POLR3E: variants seen among roughly 807,000 people sequenced by gnomAD.
POLR3E encodes the protein DNA-directed RNA polymerase III subunit RPC5.
Under a neutral mutation model 96.6 loss-of-function variants are expected in POLR3E, and 41 were observed. The observed-to-expected ratio is 0.42, with a 90% CI of 0.33 to 0.55. The LOEUF is 0.55. POLR3E is among the 20% of genes least tolerant of loss of function. POLR3E has a pLI of 0.06. For synonymous variants in POLR3E, 396 were observed against 383.6 expected, an observed-to-expected ratio of 1.03 and a Z score of -0.38; for missense variants, 849 against 952.1, an observed-to-expected ratio of 0.89 and a Z score of 1.43.
At chr16:22,303,613 G>C (rs936878599) in intron 2 of POLR3E, among the ~76,000 whole-genome samples, 1 of 147,090 alleles carries the variant, frequency 6.8e-6, no homozygotes, top group African/African-American at 2.7e-5. Flanking sequence ...GAGTCTCCGG[G>C]TACAGGCAGT....
chr16:22,325,588 ACT>A (rs934572057), intron 17 of POLR3E, among the ~76,000 whole-genome samples, 171 bp from the exon 18 acceptor site: 1 of 151,766 alleles, frequency 6.6e-6, no homozygotes, highest in Non-Finnish European at 1.5e-5. Flanking sequence ...TCCCCGCATG[ACT>A]CTCGGCACGC....
intron 13 of POLR3E, among the ~76,000 whole-genome samples, chr16:22,319,339 G>T (rs1250792946): frequency 6.6e-6 from 1 of 151,932 alleles, no homozygotes; most frequent in South Asian, 2.1e-4. Context: ...AGTGCTTTGG[G>T]TTTAAATCTA....
Position 22,325,826 on chromosome 16 carries a change from C to A in POLR3E, c.1414C>A (p.His472Asn). The change falls in exon 18 of 21, where the codon CAC becomes AAC. Residue 472 changes from histidine to asparagine, a missense_variant. His to Asn is a moderately conservative substitution (Grantham distance 68, BLOSUM62 1). Transcript: ENST00000299853. Reference sequence around the variant, plus strand: ...AGCCAAAACCAAGGCCCAGCAGAACCACGCGTTGCTGGAGCGGGAGCTGCA... The same window carrying A: ...AGCCAAAACCAAGGCCCAGCAGAACAACGCGTTGCTGGAGCGGGAGCTGCA... ...QVAKTKAQQN[H>N]ALLERELQRR... The A allele has an allele frequency of 6.2e-7, 1 of 1,610,696 alleles. No individual in the cohort carries two copies. Among genetic ancestry groups the A allele is most frequent in the Non-Finnish European group, 8.5e-7 (1 of 1,178,712 alleles).
At chr16:22,300,788 T>G (rs1263236729) in intron 1 of POLR3E, among the ~76,000 whole-genome samples, 1 of 152,232 alleles carries the variant, frequency 6.6e-6, no homozygotes, top group Non-Finnish European at 1.5e-5. Context: ...CTCCATGTCT[T>G]CCTCTGCCCG....
rs2048657140 is a variant in POLR3E at position 22,328,428 on chromosome 16, G to T, written c.1867-82G>T. On this transcript the variant is annotated intron_variant, in intron 18 of 20. Transcript: ENST00000299853. ...AACCCATGTTCCTGCATCTGGGCTGGGGCAGACAGGGAGGGATGAGGCAAG... is the reference window on the plus strand; with the variant it reads ...AACCCATGTTCCTGCATCTGGGCTGTGGCAGACAGGGAGGGATGAGGCAAG... The T allele has an allele frequency of 2.6e-6, 3 of 1,154,362 alleles. No individual in the cohort carries two copies. In the South Asian group the frequency reaches 3.7e-5, roughly 14 times the overall value. 71.5% of individuals were successfully genotyped at this position (1,154,362 alleles called of 1,614,324 possible). A position where few individuals can be genotyped will look rare whatever the true frequency, so the allele number is the denominator to read the frequency against.
chr16:22,321,943 C>A (rs562823863), intron 13 of POLR3E, among the ~76,000 whole-genome samples: 4 of 152,220 alleles, frequency 2.6e-5, no homozygotes, highest in Admixed American at 2.0e-4. Context: ...CTAGACTGCT[C>A]GTTCTGTGCC....
intron 12 of POLR3E, among the ~76,000 whole-genome samples, chr16:22,317,669 T>TGTTG (rs59582667): frequency 5.3e-5 from 8 of 151,786 alleles, no homozygotes; most frequent in African/African-American, 1.9e-4. Context: ...GTTGTTGTTT[T>TGTTG]TTTTTTTAAG....
chr16:22,309,121 C>A, intron 5 of POLR3E, 81 bp downstream of exon 5: 3 of 978,034 alleles, frequency 3.1e-6, no homozygotes, highest in Non-Finnish European at 3.1e-6. Flanking sequence ...CATTGACCCC[C>A]TTTGCCCCGT....
chr16:22,300,852 AC>A (rs2048006561), intron 1 of POLR3E, among the ~76,000 whole-genome samples: 1 of 152,206 alleles, frequency 6.6e-6, no homozygotes, highest in African/African-American at 2.4e-5. Context: ...ATTTATTTAG[AC>A]AACAAACATG....
At chr16:22,312,114 G>A (rs1343988583) in intron 6 of POLR3E, among the ~76,000 whole-genome samples, 3 of 152,222 alleles carry the variant, frequency 2.0e-5, no homozygotes, top group African/African-American at 7.2e-5. Context: ...GGAGAGTGGA[G>A]TGGGGACTGC....
chr16:22,332,275 T>A lies in POLR3E; in HGVS notation c.2070+90T>A, dbSNP rs1191636653. 6.5e-6 allele frequency: 8 copies of A among 1,225,768 alleles called. No individual in the cohort carries two copies. In the Admixed American group the frequency reaches 1.4e-4, roughly 21 times the overall value. The allele number at this position is 1,225,768 out of a possible 1,614,324, so 75.9% of individuals were successfully genotyped here. On this transcript the variant is annotated intron_variant, in intron 20 of 20. Coordinates refer to ENST00000299853, the MANE Select transcript of POLR3E (RefSeq NM_018119.4). ...AGGGACTCTAGTGTCTTTGTGTATA[T>A]GAAATCAGGCTTCCTTGGGACCACT...
At chr16:22,331,259 G>A (rs1490230236) in intron 19 of POLR3E, among the ~76,000 whole-genome samples, 8 of 152,070 alleles carry the variant, frequency 5.3e-5, no homozygotes, top group Admixed American at 6.5e-5. Context: ...GATTGCAGGC[G>A]TGAGCCTCTG....
chr16:22,303,413 C>T (rs1192098726), intron 2 of POLR3E, among the ~76,000 whole-genome samples: 11 of 152,268 alleles, frequency 7.2e-5, no homozygotes, highest in Middle Eastern at 6.8e-3. Flanking sequence ...AGGTACCCGG[C>T]GACTATTTGG....
At chr16:22,298,229 C>G (rs568540783) in intron 1 of POLR3E, among the ~76,000 whole-genome samples, 1 of 152,348 alleles carries the variant, frequency 6.6e-6, no homozygotes, top group South Asian at 2.1e-4. Context: ...TCTTAGCGAT[C>G]TCCACAGTTT....
At chr16:22,305,418 C>T (rs1236436171) in intron 3 of POLR3E, 2 of 695,658 alleles carry the variant, frequency 2.9e-6, no homozygotes, top group South Asian at 1.5e-5. Flanking sequence ...CAGAAGTGTG[C>T]AGCAGTTAAA....
chr16:22,300,361 A>G (rs1439783452), intron 1 of POLR3E, among the ~76,000 whole-genome samples: 1 of 152,152 alleles, frequency 6.6e-6, no homozygotes, highest in East Asian at 1.9e-4. Context: ...GGCCTGGAGG[A>G]TGAAGGGAGG....
At chr16:22,305,884 A>C (rs1266104494) in intron 3 of POLR3E, among the ~76,000 whole-genome samples, 2 of 152,138 alleles carry the variant, frequency 1.3e-5, no homozygotes, top group Non-Finnish European at 2.9e-5. Context: ...TGATTATTAC[A>C]TTTTATAACC....
intron 14 of POLR3E, 69 bp from the exon 15 acceptor site, chr16:22,324,285 T>C: frequency 2.3e-6 from 3 of 1,296,948 alleles, no homozygotes; most frequent in Non-Finnish European, 3.4e-6. Context: ...GCCTGCCAGG[T>C]GAGTTCCCGG....
intron 1 of POLR3E, among the ~76,000 whole-genome samples, chr16:22,301,164 T>G (rs1598230397): frequency 1.1e-4 from 15 of 131,710 alleles, no homozygotes; most frequent in East Asian, 5.1e-4. Context: ...ATCGGGGGGG[T>G]AGAGCAGCTA....
Sources: gnomAD v4.1 joint callset for allele counts (sites outside exome capture counted in the v4.1 genomes callset) on GRCh38, gnomAD v4.1.1 for gene constraint, MANE v1.5 for transcripts, NCBI Gene and HGNC (gene_info 2026-07-23, HGNC 2026-07-21) for gene names.